Variants in ST3GAL4 observed in about 807,000 individuals in gnomAD.
The protein encoded by ST3GAL4 is ST3 beta-galactoside alpha-2,3-sialyltransferase 4.
A neutral mutation model predicts 42.6 loss-of-function variants in ST3GAL4; 24 were observed. The ratio of observed to expected loss-of-function variants is 0.56; its 90% CI spans 0.41 to 0.79. The LOEUF (loss-of-function observed/expected upper bound fraction) is 0.79, where lower values mean the gene tolerates loss of function less well. ST3GAL4 is among the 30% of genes least tolerant of loss of function. The pLI is 0.00. For synonymous variants in ST3GAL4, 135 were observed against 163.2 expected (o/e 0.83, Z 1.32); for missense variants, 311 against 430.8 (o/e 0.72, Z 2.46).
rs1227230635 is a variant in ST3GAL4 at position 126,414,402 on chromosome 11, A to G, written c.*355A>G. 7 of 258,612 alleles carry G rather than the reference A, an allele frequency of 2.7e-5. No individual in the cohort carries two copies. Among genetic ancestry groups the G allele is most frequent in the Non-Finnish European group, 5.3e-5 (7 of 132,154 alleles). 16.0% of individuals were successfully genotyped at this position (258,612 alleles called of 1,614,324 possible). A position where few individuals can be genotyped will look rare whatever the true frequency, so the allele number is the denominator to read the frequency against. On this transcript the variant is annotated 3_prime_UTR_variant, in exon 11 of 11. Coordinates refer to ENST00000444328, the MANE Select transcript of ST3GAL4 (RefSeq NM_001254757.2). ...ACACATCCAGGAAAGAGGCCAGTAG[A>G]GAATTCTGCCCACTTTTTATAAAAA...
At position 126,378,302 on chromosome 11, in the gene ST3GAL4, G is replaced by A. The variant is rs1049346960; in HGVS notation, c.-61+22460G>A. 6.6e-6 allele frequency among the ~76,000 whole-genome samples: 1 copy of A among 152,204 alleles called. No individual in the cohort carries two copies. Among genetic ancestry groups the A allele is most frequent in the Non-Finnish European group, 1.5e-5 (1 of 68,040 alleles). ...CATGGTTATTCTCCGTCACATCTGC[G>A]TCTGCACAGCGCCACGTTGAATGGT... On this transcript the variant is annotated intron_variant, in intron 1 of 10. Transcript: ENST00000444328. This position sits in a 1 kb window ranked among gnomAD's most constrained non-coding sequence, Gnocchi z 5.3.
chr11:126,404,137 T>C (rs6590202), intron 1 of ST3GAL4, among the ~76,000 whole-genome samples: 44,191 of 152,216 alleles, frequency 0.29, 7,899 homozygotes, highest in African/African-American at 0.5. Context: ...TTCTCAAACT[T>C]GGACAGATAG....
chr11:126,362,557 A>T lies in ST3GAL4; in HGVS notation c.-61+6715A>T, dbSNP rs534154572. 3.9e-5 allele frequency among the ~76,000 whole-genome samples: 6 copies of T among 152,312 alleles called. No individual in the cohort carries two copies. The East Asian group carries it at 9.7e-4, about 25-fold the overall frequency. ...AGATAACATCCAGTGCCCGGACTCC[A>T]GCACTCTATAAATGCTGGCTGGTGT... On this transcript the variant is annotated intron_variant, in intron 1 of 10. Coordinates refer to ENST00000444328, the MANE Select transcript of ST3GAL4 (RefSeq NM_001254757.2).
rs1952335392 is a variant in ST3GAL4, at chr11:126,363,834, A to ACC, written c.-61+7992_-61+7993insCC. Reference sequence around the variant, plus strand: ...TCAGACCCCATTGAGGTGAGCACACAACAGTGTTCTGTGTGAGGGTCTGGA... The same window carrying ACC: ...TCAGACCCCATTGAGGTGAGCACACACCACAGTGTTCTGTGTGAGGGTCTGGA... On this transcript the variant is annotated intron_variant, in intron 1 of 10. Coordinates refer to ENST00000444328, the MANE Select transcript of ST3GAL4 (RefSeq NM_001254757.2). This position sits in a 1 kb window ranked among gnomAD's most constrained non-coding sequence, Gnocchi z 4.6. Among the ~76,000 whole-genome samples, 1 of 152,190 alleles carries ACC rather than the reference A, an allele frequency of 6.6e-6. No individual in the cohort carries two copies. The highest frequency in any genetic ancestry group is 2.4e-5 in the African/African-American group (1 of 41,452).
chr11:126,405,740 A>C, intron 1 of ST3GAL4: 1 of 266,646 alleles, frequency 3.8e-6, no homozygotes, highest in Non-Finnish European at 7.3e-6. Context: ...GGGCGGGGGT[A>C]GCTGTCTGCC....
At chr11:126,357,284 A>G (rs1952103867) in intron 1 of ST3GAL4, among the ~76,000 whole-genome samples, 1 of 152,176 alleles carries the variant, frequency 6.6e-6, no homozygotes, top group South Asian at 2.1e-4. Context: ...GGGCTCTGTC[A>G]AGACATGGGG....
At chr11:126,412,971 T>C (rs1954594574) in intron 9 of ST3GAL4, among the ~76,000 whole-genome samples, 1 of 152,242 alleles carries the variant, frequency 6.6e-6, no homozygotes, top group Non-Finnish European at 1.5e-5. Context: ...GTAACTGATA[T>C]GATGATGGCT....
intron 1 of ST3GAL4, among the ~76,000 whole-genome samples, chr11:126,390,350 G>A (rs1953447164): frequency 6.8e-6 from 1 of 147,914 alleles, no homozygotes; most frequent in Admixed American, 6.8e-5. Context: ...TGCTATTGCA[G>A]CACTGCCTAA....
chr11:126,407,482 C>A, intron 5 of ST3GAL4, 92 bp from the exon 6 acceptor site: 1 of 1,574,904 alleles, frequency 6.3e-7, no homozygotes, highest in Non-Finnish European at 8.7e-7. Flanking sequence ...AAGAAGAAGG[C>A]AGCCAGCGCT....
chr11:126,406,666 G>A lies in ST3GAL4; in HGVS notation c.101+109G>A. ...TAGGGCAGGAAGGTTCCAAGAGCCG[G>A]CACATGACCTCATCCCTTCAGCTGC... is the stretch of plus-strand genomic sequence containing the variant. On this transcript the variant is annotated intron_variant, in intron 3 of 10. Transcript: ENST00000444328. This position sits in a 1 kb window ranked among gnomAD's most constrained non-coding sequence, Gnocchi z 5.4. 1 of 1,365,346 alleles carries A rather than the reference G, an allele frequency of 7.3e-7. No individual in the cohort carries two copies. The highest frequency in any genetic ancestry group is 3.1e-5 in the East Asian group (1 of 32,288). 84.6% of individuals were successfully genotyped at this position (1,365,346 alleles called of 1,614,324 possible).
At chr11:126,367,023 T>C (rs1273264120) in intron 1 of ST3GAL4, among the ~76,000 whole-genome samples, 3 of 152,010 alleles carry the variant, frequency 2.0e-5, no homozygotes, top group African/African-American at 7.2e-5. Flanking sequence ...GTTCTGGAAG[T>C]GGACTCTGCT....
intron 1 of ST3GAL4, chr11:126,403,625 T>C (rs1004969671): frequency 5.2e-6 from 1 of 190,538 alleles, no homozygotes; most frequent in African/African-American, 2.4e-5. Context: ...CAGCCAATGC[T>C]GTGACCTATG....
intron 1 of ST3GAL4, among the ~76,000 whole-genome samples, chr11:126,402,616 G>T (rs546613694): frequency 8.9e-4 from 136 of 152,278 alleles, no homozygotes; most frequent in African/African-American, 2.3e-3. Context: ...GGGTCCAGGG[G>T]CTCTGAGGGG....
At chr11:126,388,521 G>T (rs1953324063) in intron 1 of ST3GAL4, among the ~76,000 whole-genome samples, 1 of 151,366 alleles carries the variant, frequency 6.6e-6, no homozygotes, top group African/African-American at 2.4e-5. Context: ...AGTAGAGGTG[G>T]GGGTTTTACC....
intron 1 of ST3GAL4, among the ~76,000 whole-genome samples, chr11:126,402,098 G>GGGGGT (rs58653869): frequency 1.4e-5 from 2 of 146,744 alleles, no homozygotes; most frequent in Non-Finnish European, 3.0e-5. Context: ...GGAAAGAGGG[G>GGGGGT]AGGTAGGAGA....
intron 1 of ST3GAL4, among the ~76,000 whole-genome samples, chr11:126,399,898 A>T (rs989240713): frequency 1.3e-5 from 2 of 152,146 alleles, no homozygotes; most frequent in Non-Finnish European, 2.9e-5. Flanking sequence ...TTCACGATCG[A>T]TATTTCTACC....
chr11:126,404,602 G>GC (rs1352399923), intron 1 of ST3GAL4, among the ~76,000 whole-genome samples: 5 of 152,158 alleles, frequency 3.3e-5, no homozygotes, highest in Admixed American at 6.6e-5. Context: ...GGTAAGGCAC[G>GC]CCCCTTTCAG....
At chr11:126,356,011 T>G (rs1019475212) in intron 1 of ST3GAL4, 169 bp downstream of exon 1, 20 of 152,276 alleles carry the variant, frequency 1.3e-4, no homozygotes, top group Admixed American at 1.1e-3. Flanking sequence ...CCTGCGGAGC[T>G]GCTTTCCGGG....
intron 1 of ST3GAL4, among the ~76,000 whole-genome samples, chr11:126,358,735 G>A (rs1952156276): frequency 6.6e-6 from 1 of 152,158 alleles, no homozygotes. Context: ...TTTAGTGTTG[G>A]CTGAGCCCTT....
Sources: gnomAD v4.1 joint callset for allele counts (sites outside exome capture counted in the v4.1 genomes callset) on GRCh38, gnomAD v4.1.1 for gene constraint, Gnocchi (gnomAD v3.1) non-coding constraint, MANE v1.5 for transcripts, NCBI Gene and HGNC (gene_info 2026-07-23, HGNC 2026-07-21) for gene names.